The following ZFHX3 variants were observed in gnomAD, a reference collection of about 807,000 sequenced individuals.
The protein encoded by ZFHX3 is zinc finger homeobox 3.
Under a neutral mutation model 279.1 loss-of-function variants are expected in ZFHX3, and 42 were observed. That is an observed-to-expected ratio of 0.15 (90% confidence interval 0.12 to 0.19). The LOEUF (loss-of-function observed/expected upper bound fraction) is 0.19. Among genes scored for constraint, ZFHX3 ranks in the 10% least tolerant of loss-of-function variants. The pLI is 1.00. For synonymous variants in ZFHX3, 2,293 were observed against 1,957.8 expected, an observed-to-expected ratio of 1.17 and a Z score of -4.52; for missense variants, 4,981 against 4,754.0, an observed-to-expected ratio of 1.05 and a Z score of -1.40.
chr16:73,473,919 T>C (rs867340762), intron 2 of ZFHX3, among the ~76,000 whole-genome samples: 1 of 152,120 alleles, frequency 6.6e-6, no homozygotes, highest in South Asian at 2.1e-4. Context: ...TGCTCCCTTC[T>C]GATGCCTGCA....
chr16:73,804,640 C>T (rs1960225265), intron 1 of ZFHX3, among the ~76,000 whole-genome samples: 1 of 152,128 alleles, frequency 6.6e-6, no homozygotes, highest in Non-Finnish European at 1.5e-5. Context: ...AAGCTTCTAG[C>T]ATCATGGCAA....
At chr16:72,950,319 C>T (rs1387100583) in intron 3 of ZFHX3, 150 bp downstream of exon 3, 11 of 1,209,568 alleles carry the variant, frequency 9.1e-6, no homozygotes, top group Non-Finnish European at 1.1e-5. Context: ...TGGACACCGC[C>T]GACTCTCCTC....
At position 72,921,465 on chromosome 16, in the gene ZFHX3, G is replaced by A. The variant is rs373851798; in HGVS notation, c.3216+29004C>T. On this transcript the variant is annotated intron_variant, in intron 3 of 9. Coordinates refer to ENST00000268489, the MANE Select transcript of ZFHX3 (RefSeq NM_006885.4). The stretch of plus-strand genomic sequence containing the variant: ...AGACGGCGCAATGCAAAAGGGCAGA[G>A]GACTGAACGGGGATTTGGGATGCTT... 4.1e-4 allele frequency among the ~76,000 whole-genome samples: 63 copies of A among 152,360 alleles called. 2 individuals are homozygous for A. The South Asian group carries it at 0.012, about 30-fold the overall frequency.
intron 3 of ZFHX3, among the ~76,000 whole-genome samples, chr16:73,364,471 C>CGGTCT (rs2016494126): frequency 6.6e-6 from 1 of 151,776 alleles, no homozygotes; most frequent in African/African-American, 2.4e-5. Context: ...GTAGTTCTTT[C>CGGTCT]GGTCTGGTCA....
chr16:73,638,764 A>ATATTTGT (rs1313245341), intron 2 of ZFHX3, among the ~76,000 whole-genome samples: 1 of 152,212 alleles, frequency 6.6e-6, no homozygotes. Flanking sequence ...CAGTGCCACA[A>ATATTTGT]ATATAAAAGG....
intron 1 of ZFHX3, among the ~76,000 whole-genome samples, chr16:73,883,212 A>G (rs996198399): frequency 6.6e-6 from 1 of 152,140 alleles, no homozygotes; most frequent in East Asian, 1.9e-4. Context: ...GTCATTCAAA[A>G]TATGCAGTAT....
chr16:73,727,237 G>C (rs2053526576), intron 1 of ZFHX3, among the ~76,000 whole-genome samples: 2 of 152,178 alleles, frequency 1.3e-5, no homozygotes, highest in Non-Finnish European at 2.9e-5. Context: ...TGCACAACTG[G>C]GGCCCCCCAC....
At chr16:73,630,039 T>C (rs1423142525) in intron 2 of ZFHX3, among the ~76,000 whole-genome samples, 1 of 152,154 alleles carries the variant, frequency 6.6e-6, no homozygotes, top group Non-Finnish European at 1.5e-5. Flanking sequence ...ATCATTTCTA[T>C]TACAGAGACT....
chr16:73,417,528 A>C (rs1045218151), intron 3 of ZFHX3, among the ~76,000 whole-genome samples: 3 of 149,842 alleles, frequency 2.0e-5, no homozygotes, highest in Non-Finnish European at 4.4e-5. Flanking sequence ...CACCATGCCC[A>C]GCCGATTTCC....
At chr16:73,732,636 A>G (rs541948259) in intron 1 of ZFHX3, among the ~76,000 whole-genome samples, 1 of 152,334 alleles carries the variant, frequency 6.6e-6, no homozygotes, top group African/African-American at 2.4e-5. Context: ...CTAGTTATGG[A>G]TGACAGAATT....
chr16:72,810,537 A>G (rs2036414207), intron 7 of ZFHX3, among the ~76,000 whole-genome samples: 1 of 152,240 alleles, frequency 6.6e-6, no homozygotes, highest in Non-Finnish European at 1.5e-5. Context: ...GGACATCACC[A>G]TCACTGGCAC....
chr16:73,852,814 A>G (rs1961623520), intron 1 of ZFHX3, among the ~76,000 whole-genome samples: 1 of 152,220 alleles, frequency 6.6e-6, no homozygotes, highest in Non-Finnish European at 1.5e-5. Flanking sequence ...TGATGAGACT[A>G]AAAAAGCTGG....
chr16:73,249,915 C>T (rs1377202286), intron 5 of ZFHX3, among the ~76,000 whole-genome samples: 1 of 151,954 alleles, frequency 6.6e-6, no homozygotes, highest in African/African-American at 2.4e-5. Flanking sequence ...AGGGACCATT[C>T]CCGCAACTAC....
chr16:73,370,899 T>C (rs952760131), intron 3 of ZFHX3, among the ~76,000 whole-genome samples: 9 of 152,178 alleles, frequency 5.9e-5, no homozygotes, highest in Non-Finnish European at 1.3e-4. Context: ...GGACAATCTG[T>C]GATGGATGTA....
chr16:73,650,265 A>G (rs2052657956), intron 2 of ZFHX3, among the ~76,000 whole-genome samples: 1 of 152,086 alleles, frequency 6.6e-6, no homozygotes, highest in Non-Finnish European at 1.5e-5. Flanking sequence ...AATTAGCTCA[A>G]AATATCAGAG....
intron 1 of ZFHX3, among the ~76,000 whole-genome samples, chr16:73,832,562 A>G (rs1201481509): frequency 6.6e-6 from 1 of 152,184 alleles, no homozygotes; most frequent in African/African-American, 2.4e-5. Flanking sequence ...TGTTTAAGAG[A>G]CAGGGTCTCA....
At chr16:73,510,060 A>G (rs2019402390) in intron 2 of ZFHX3, among the ~76,000 whole-genome samples, 1 of 152,028 alleles carries the variant, frequency 6.6e-6, no homozygotes, top group Non-Finnish European at 1.5e-5. Flanking sequence ...TTCCCTTTCC[A>G]TCGAATGCTG....
At chr16:73,828,115 T>C (rs1406018839) in intron 1 of ZFHX3, among the ~76,000 whole-genome samples, 1 of 74,700 alleles carries the variant, frequency 1.3e-5, no homozygotes, top group South Asian at 6.0e-4. Flanking sequence ...ATATTTAGGA[T>C]AGTTAGCTCC....
chr16:72,784,705 C>G lies in ZFHX3; in HGVS notation c.*2459G>C, dbSNP rs942472893. ...GCTTGTTAAAACAGTAAATGTTTTG[C>G]GTACTTGCTTTTGACACCTTATGCT... On this transcript the variant is annotated 3_prime_UTR_variant, in exon 10 of 10. Transcript: ENST00000268489. 1 of 152,318 alleles carries G rather than the reference C, an allele frequency of 6.6e-6. No individual in the cohort carries two copies. Among genetic ancestry groups the G allele is most frequent in the Non-Finnish European group, 1.5e-5 (1 of 67,958 alleles). The allele number at this position is 152,318 out of a possible 1,614,324, so 9.4% of individuals were successfully genotyped here.
Sources: allele counts gnomAD v4.1 joint callset (sites outside exome capture counted in the v4.1 genomes callset), GRCh38; gene constraint gnomAD v4.1.1; transcripts MANE v1.5; gene names NCBI Gene and HGNC (gene_info 2026-07-23, HGNC 2026-07-21).